The following ENOX2 variants were observed in gnomAD, a reference collection of about 807,000 sequenced individuals.
ENOX2 encodes APK1 antigen.
In ENOX2, 36 loss-of-function variants were observed where a neutral mutation model predicts 45.0. The observed-to-expected ratio is 0.80, with a 90% CI of 0.61 to 1.06. The LOEUF is 1.06. Ranked by LOEUF, ENOX2 falls within the 50% of genes least tolerant of loss-of-function variation. The pLI is 0.00. For missense variants in ENOX2, 423 were observed against 462.5 expected (o/e 0.91, Z 0.78); for synonymous variants, 174 against 152.3 (o/e 1.14, Z -1.05).
At chrX:130,877,298 T>C (rs1003173114) in intron 2 of ENOX2, among the ~76,000 whole-genome samples, 1 of 112,102 alleles carries the variant, frequency 8.9e-6, no homozygotes, top group Non-Finnish European at 1.9e-5. Flanking sequence ...GATTGCTCTT[T>C]CCTTAGTCTG....
chrX:130,643,353 G>A (rs1221271336), intron 10 of ENOX2, among the ~76,000 whole-genome samples: 5 of 110,809 alleles, frequency 4.5e-5, no homozygotes, highest in Admixed American at 3.8e-4. Flanking sequence ...TCAATAATCA[G>A]TTAAAAAATT....
At chrX:130,687,766 C>T (rs1008576521) in intron 5 of ENOX2, among the ~76,000 whole-genome samples, 1 of 111,570 alleles carries the variant, frequency 9.0e-6, no homozygotes, top group African/African-American at 3.3e-5. Context: ...GCATAAAGAT[C>T]TGTTTTTTTT....
At chrX:130,877,444 G>T (rs144774231) in intron 2 of ENOX2, among the ~76,000 whole-genome samples, 3 of 111,907 alleles carry the variant, frequency 2.7e-5, no homozygotes, top group African/African-American at 9.7e-5. Flanking sequence ...CCTTTCCCCA[G>T]ATATGGAATA....
At chrX:130,836,561 T>C (rs1269605282) in intron 2 of ENOX2, among the ~76,000 whole-genome samples, 1 of 111,454 alleles carries the variant, frequency 9.0e-6, no homozygotes, top group Non-Finnish European at 1.9e-5. Context: ...TAAGCTTTTA[T>C]GTTTGTATTT....
rs1038313278 is a variant in ENOX2 at position 130,624,700 on chromosome X, G to A, written c.*614C>T. The A allele has an allele frequency of 2.7e-5, 3 of 112,733 alleles. No individual in the cohort carries two copies. The highest frequency in any genetic ancestry group is 6.4e-5 in the African/African-American group (2 of 31,018). 9.3% of individuals were successfully genotyped at this position (112,733 alleles called of 1,213,427 possible). On this transcript the variant is annotated 3_prime_UTR_variant, in exon 15 of 15. Transcript: ENST00000394363. ...CAGATCTTTAATGTGATATGTTAGA[G>A]AAAATAACTTTGGAACATTTGTCAA...
intron 3 of ENOX2, among the ~76,000 whole-genome samples, chrX:130,751,575 C>A (rs967343060): frequency 7.2e-5 from 8 of 111,478 alleles, no homozygotes; most frequent in African/African-American, 2.6e-4. Context: ...TTTGGATATA[C>A]CCAGCAGTGA....
At chrX:130,860,193 G>T (rs1219967833) in intron 2 of ENOX2, among the ~76,000 whole-genome samples, 1 of 111,387 alleles carries the variant, frequency 9.0e-6, no homozygotes, top group African/African-American at 3.3e-5. Context: ...CTGACCTCAG[G>T]TGATCCACCC....
intron 3 of ENOX2, among the ~76,000 whole-genome samples, chrX:130,719,189 G>A (rs2038407231): frequency 9.0e-6 from 1 of 111,374 alleles, no homozygotes; most frequent in African/African-American, 3.3e-5. Context: ...ATCTGTAAAT[G>A]CGCAAAAATA....
chrX:130,775,332 ACAG>A (rs2039830172), intron 3 of ENOX2, among the ~76,000 whole-genome samples: 1 of 110,028 alleles, frequency 9.1e-6, no homozygotes, highest in Non-Finnish European at 1.9e-5. Context: ...GTGACCTGAG[ACAG>A]CACCACTGCA....
At chrX:130,705,974 C>T (rs752368028) in intron 3 of ENOX2, among the ~76,000 whole-genome samples, 16 of 111,732 alleles carry the variant, frequency 1.4e-4, no homozygotes, top group Admixed American at 3.8e-4. Context: ...CTCTCATGGC[C>T]GTGTGACAAG....
chrX:130,893,481 G>C (rs1255372267), intron 2 of ENOX2, among the ~76,000 whole-genome samples: 1 of 112,622 alleles, frequency 8.9e-6, no homozygotes, highest in African/African-American at 3.2e-5. Context: ...GTGTCTGAAA[G>C]GGTAACTGGC....
At chrX:130,680,144 G>A (rs966893933) in intron 5 of ENOX2, among the ~76,000 whole-genome samples, 1 of 112,050 alleles carries the variant, frequency 8.9e-6, no homozygotes, top group Non-Finnish European at 1.9e-5. Flanking sequence ...GGGTTCCTGA[G>A]GAAGGATTTG....
Position 130,876,123 on chromosome X carries a change from T to G in ENOX2, c.-183+25561A>C, listed in dbSNP as rs905380967. The stretch of plus-strand genomic sequence containing the variant: ...TAGGTATATATATACCAAAGAGTAA[T>G]GAACACATATGTCCACATGAAAACT... On this transcript the variant is annotated intron_variant, in intron 2 of 14. Coordinates refer to ENST00000394363, the MANE Select transcript of ENOX2 (RefSeq NM_006375.4). Among the ~76,000 whole-genome samples the G allele has an allele frequency of 2.1e-4, 24 of 111,668 alleles. No individual in the cohort carries two copies. In the Admixed American group the frequency reaches 2.3e-3, roughly 11 times the overall value.
chrX:130,657,974 T>C (rs1335895418), intron 9 of ENOX2, among the ~76,000 whole-genome samples: 2 of 111,831 alleles, frequency 1.8e-5, no homozygotes, highest in East Asian at 2.8e-4. Context: ...AATGAAAAGA[T>C]AGAAAATCTC....
Position 130,770,327 on chromosome X carries a change from G to T in ENOX2, c.-39+13220C>A, listed in dbSNP as rs1045199882. ...ATTTGACATACGCACTTGTACTTTT[G>T]GGGGCAATGGGATAGAACATGTGAC... On this transcript the variant is annotated intron_variant, in intron 3 of 14. Coordinates refer to ENST00000394363, the MANE Select transcript of ENOX2 (RefSeq NM_006375.4). Among the ~76,000 whole-genome samples, 3 of 111,586 alleles carry T rather than the reference G, an allele frequency of 2.7e-5. No homozygotes were observed. The Admixed American group carries it at 2.9e-4, about 11-fold the overall frequency.
intron 10 of ENOX2, among the ~76,000 whole-genome samples, chrX:130,651,244 G>A (rs1295298349): frequency 8.9e-6 from 1 of 111,774 alleles, no homozygotes; most frequent in Non-Finnish European, 1.9e-5. Flanking sequence ...ATTCCAACCA[G>A]GCTTCTGTCA....
chrX:130,848,210 G>T (rs1241998647), intron 2 of ENOX2, among the ~76,000 whole-genome samples: 1 of 110,976 alleles, frequency 9.0e-6, no homozygotes, highest in East Asian at 2.8e-4. Context: ...ATTTATCAAT[G>T]TCATTAAATA....
At chrX:130,863,070 A>G (rs185675834) in intron 2 of ENOX2, among the ~76,000 whole-genome samples, 59 of 112,071 alleles carry the variant, frequency 5.3e-4, no homozygotes, top group Middle Eastern at 4.7e-3. Flanking sequence ...ACTCACCCAC[A>G]CCACAAACAC....
chrX:130,793,888 G>C, intron 2 of ENOX2, among the ~76,000 whole-genome samples: 1 of 112,232 alleles, frequency 8.9e-6, no homozygotes, highest in Non-Finnish European at 1.9e-5. Context: ...AAAAAATGTT[G>C]ATTTGATAGA....
Sources: gnomAD v4.1 joint callset for allele counts (sites outside exome capture counted in the v4.1 genomes callset) on GRCh38, gnomAD v4.1.1 for gene constraint, MANE v1.5 for transcripts, NCBI Gene and HGNC (gene_info 2026-07-23, HGNC 2026-07-21) for gene names.